Variants in RAB37 observed in about 807,000 individuals in gnomAD.
RAB37 encodes the protein RAB37, member RAS oncogene family.
In RAB37, 29 loss-of-function variants were observed where a neutral mutation model predicts 33.1. The ratio of observed to expected loss-of-function variants is 0.88; its 90% CI spans 0.65 to 1.20. The LOEUF (loss-of-function observed/expected upper bound fraction) is 1.20. RAB37 is among the 50% of genes most tolerant of loss of function. The pLI, the probability that RAB37 is intolerant of heterozygous loss-of-function variation, is 0.00. For synonymous variants in RAB37, 128 were observed against 119.5 expected (o/e 1.07, Z -0.47); for missense variants, 299 against 301.1 (o/e 0.99, Z 0.05).
At chr17:74,728,502 G>T (rs1253198765) in intron 1 of RAB37, among the ~76,000 whole-genome samples, 7 of 151,474 alleles carry the variant, frequency 4.6e-5, no homozygotes, top group Admixed American at 2.0e-4. Context: ...ACGTTTTTGT[G>T]TCTGTGTGTG....
chr17:74,674,372 T>C, intron 1 of RAB37, among the ~76,000 whole-genome samples: 1 of 148,968 alleles, frequency 6.7e-6, no homozygotes, highest in African/African-American at 2.5e-5. Flanking sequence ...TGAGCCACCA[T>C]GCCCAGCGTG....
Position 74,744,500 on chromosome 17 carries a change from G to A in RAB37, c.432+127G>A, listed in dbSNP as rs552767579. 4.5e-6 allele frequency: 4 copies of A among 880,264 alleles called. No homozygotes were observed. In the South Asian group the frequency reaches 5.7e-5, roughly 13 times the overall value. The allele number at this position is 880,264 out of a possible 1,614,324, so 54.5% of individuals were successfully genotyped here. ...AGGACTCTGCAGCCTCCAGCTCAGGGGTCAGACATATCTGGAGGCTTCTGC... is the reference window on the plus strand; with the variant it reads ...AGGACTCTGCAGCCTCCAGCTCAGGAGTCAGACATATCTGGAGGCTTCTGC... On this transcript the variant is annotated intron_variant, in intron 6 of 8. Coordinates refer to ENST00000392613, the MANE Select transcript of RAB37 (RefSeq NM_001006638.3). The surrounding 1 kb of genome is among the most constrained non-coding windows in gnomAD (Gnocchi z 4.2).
chr17:74,702,715 C>T (rs781262193), intron 1 of RAB37, among the ~76,000 whole-genome samples: 2 of 152,220 alleles, frequency 1.3e-5, no homozygotes, highest in African/African-American at 4.8e-5. Context: ...CCACACTGAG[C>T]TCCACGGGGA....
chr17:74,690,387 A>G (rs1265664886), intron 1 of RAB37, among the ~76,000 whole-genome samples: 1 of 152,120 alleles, frequency 6.6e-6, no homozygotes, highest in Non-Finnish European at 1.5e-5. Flanking sequence ...TTTTAACACA[A>G]TGTGCTTTCC....
intron 1 of RAB37, among the ~76,000 whole-genome samples, chr17:74,683,943 T>C (rs2032003843): frequency 6.6e-6 from 1 of 151,760 alleles, no homozygotes; most frequent in African/African-American, 2.4e-5. Flanking sequence ...CGAAGGTGGG[T>C]GGGTGGGCAA....
At chr17:74,732,663 GT>G (rs2034403039), upstream of RAB37, among the ~76,000 whole-genome samples, 1 of 66,766 alleles carries the variant, frequency 1.5e-5, no homozygotes, top group Non-Finnish European at 3.1e-5. Flanking sequence ...GTGATTTGAT[GT>G]GTGTGTATGT....
intron 1 of RAB37, among the ~76,000 whole-genome samples, chr17:74,728,619 G>C (rs1469796875): frequency 6.6e-6 from 1 of 150,834 alleles, no homozygotes; most frequent in Non-Finnish European, 1.5e-5. Flanking sequence ...ATGTGTGTGT[G>C]CCTCTGTATG....
chr17:74,733,124 G>A (rs951751781), upstream of RAB37, among the ~76,000 whole-genome samples: 1 of 152,092 alleles, frequency 6.6e-6, no homozygotes, highest in Admixed American at 6.5e-5. Flanking sequence ...GGTGTTGATG[G>A]TGTGAAATAA....
intron 1 of RAB37, among the ~76,000 whole-genome samples, chr17:74,717,470 G>A (rs1184972888): frequency 6.6e-6 from 1 of 152,190 alleles, no homozygotes; most frequent in Admixed American, 6.5e-5. Flanking sequence ...AACTAGGTCA[G>A]GAGAGTAACT....
At chr17:74,689,723 T>A (rs1402055341) in intron 1 of RAB37, among the ~76,000 whole-genome samples, 1 of 152,168 alleles carries the variant, frequency 6.6e-6, no homozygotes, top group Non-Finnish European at 1.5e-5. Context: ...ATTCCAGCAG[T>A]CTCCCCTTTC....
chr17:74,735,006 A>G (rs796599287), upstream of RAB37, among the ~76,000 whole-genome samples: 11,733 of 96,656 alleles, frequency 0.12, 993 homozygotes, highest in East Asian at 0.21. Context: ...AAAGAAAAAG[A>G]AAGGAAGGAA....
At chr17:74,711,461 G>T (rs2033956479) in intron 1 of RAB37, among the ~76,000 whole-genome samples, 1 of 152,136 alleles carries the variant, frequency 6.6e-6, no homozygotes, top group African/African-American at 2.4e-5. Context: ...TGAAACTCGG[G>T]GCCAAGTGTC....
At chr17:74,736,923 G>T, upstream of RAB37, 1 of 1,503,062 alleles carries the variant, frequency 6.7e-7, no homozygotes. Flanking sequence ...CAGCGACTAC[G>T]GGAACTCTTC....
chr17:74,727,167 G>A (rs1365563898), intron 1 of RAB37, among the ~76,000 whole-genome samples: 1 of 152,198 alleles, frequency 6.6e-6, no homozygotes, highest in Non-Finnish European at 1.5e-5. Context: ...CTAAGTCCAA[G>A]TGTGCAAGGC....
In RAB37 at chr17:74,744,853, G is replaced by T; in HGVS notation, c.433-20G>T. The T allele has an allele frequency of 6.2e-7, 1 of 1,614,188 alleles. No individual in the cohort carries two copies. Among genetic ancestry groups the T allele is most frequent in the South Asian group, 1.1e-5 (1 of 91,044 alleles). On this transcript the variant is annotated intron_variant, in intron 6 of 8. Transcript: ENST00000392613. This position sits in a 1 kb window ranked among gnomAD's most constrained non-coding sequence, Gnocchi z 4.2. ...GGGCGGAGGCCTCCTTCCCCAGAGTGACCCATTTGGGCTTGACAGGCGGAT... is the reference window on the plus strand; with the variant it reads ...GGGCGGAGGCCTCCTTCCCCAGAGTTACCCATTTGGGCTTGACAGGCGGAT...
Position 74,683,331 on chromosome 17 carries a change from G to A in RAB37, c.72+11673G>A, listed in dbSNP as rs553015247. ...GGAGCAGGGAATGAGGATTCAGGAA[G>A]CTGACGGAGCTCAGACAGGAATGAG... On this transcript the variant is annotated intron_variant, in intron 1 of 7. Coordinates refer to the RAB37 transcript ENST00000340415. Among the ~76,000 whole-genome samples the A allele has an allele frequency of 1.1e-4, 17 of 152,330 alleles. No individual in the cohort carries two copies. In the South Asian group the frequency reaches 3.5e-3, roughly 32 times the overall value.
rs34215331 is a variant in RAB37 at position 74,745,080 on chromosome 17, G to C, written c.562G>C (p.Ala188Pro). 6.2e-7 allele frequency: 1 copy of C among 1,614,084 alleles called. No individual in the cohort carries two copies. Among genetic ancestry groups the C allele is most frequent in the Non-Finnish European group, 8.5e-7 (1 of 1,179,994 alleles). ...MNVELAFLAIAKELKYRAGHQ... is the reference protein window; with the variant it reads ...MNVELAFLAIPKELKYRAGHQ... ...TGTGGAGTTAGCCTTTCTGGCCATC[G>C]CCAAGTGAGAGCTGGGCAGGGAAGG... The change falls in exon 8 of 9, where the codon GCC becomes CCC. Residue 188 changes from alanine (A) to proline (P), a missense_variant. By Grantham distance (27) the Ala-to-Pro change is conservative. Coordinates refer to ENST00000392613, the MANE Select transcript of RAB37 (RefSeq NM_001006638.3). The surrounding 1 kb of genome is among the most constrained non-coding windows in gnomAD (Gnocchi z 4.5).
At position 74,737,378 on chromosome 17, in the gene RAB37, C is replaced by T. The variant is rs1261663925; in HGVS notation, c.93+13C>T. On this transcript the variant is annotated intron_variant, in intron 1 of 8. Transcript: ENST00000392613. ...CCTCACGGGCAAGGTGGGTGGGCCT[C>T]TTCCGTGAGACCCCCGCCCTCCTCG... 1.4e-5 allele frequency: 22 copies of T among 1,551,744 alleles called. No homozygotes were observed. The highest frequency in any genetic ancestry group is 1.9e-5 in the Admixed American group (1 of 52,556).
intron 1 of RAB37, among the ~76,000 whole-genome samples, chr17:74,713,666 G>A (rs1210648736): frequency 1.3e-5 from 2 of 152,058 alleles, no homozygotes; most frequent in Non-Finnish European, 2.9e-5. Flanking sequence ...AAGGCCAGAA[G>A]TTCAAGAGGA....
Sources: allele counts gnomAD v4.1 joint callset (sites outside exome capture counted in the v4.1 genomes callset), GRCh38; gene constraint gnomAD v4.1.1; non-coding constraint Gnocchi (gnomAD v3.1); transcripts MANE v1.5; gene names NCBI Gene and HGNC (gene_info 2026-07-23, HGNC 2026-07-21).